The following EIF2B3 variants were observed in gnomAD, a reference collection of about 807,000 sequenced individuals.
EIF2B3 encodes the protein eukaryotic translation initiation factor 2B subunit gamma, also known as translation initiation factor eIF2B subunit gamma.
In EIF2B3, 20 loss-of-function variants were observed where a neutral mutation model predicts 54.1. That is an observed-to-expected ratio of 0.37 (90% CI 0.26 to 0.54). The LOEUF (loss-of-function observed/expected upper bound fraction) is 0.54. Ranked by LOEUF, EIF2B3 falls within the 20% of genes least tolerant of loss-of-function variation. The probability of loss-of-function intolerance (pLI) is 0.86; values close to 1 mark genes in which losing one functional copy is unlikely to be tolerated. For synonymous variants in EIF2B3, 153 were observed against 188.1 expected (o/e 0.81, Z 1.52); for missense variants, 448 against 547.8 (o/e 0.82, Z 1.82).
intron 4 of EIF2B3, among the ~76,000 whole-genome samples, chr1:44,935,103 G>C (rs536166793): frequency 6.6e-6 from 1 of 152,278 alleles, no homozygotes; most frequent in African/African-American, 2.4e-5. Flanking sequence ...TAAGGAGTTT[G>C]GGAAATACTA....
chr1:44,872,740 A>T (rs1162856150), intron 10 of EIF2B3, among the ~76,000 whole-genome samples: 1 of 152,068 alleles, frequency 6.6e-6, no homozygotes, highest in East Asian at 1.9e-4. Flanking sequence ...CTCAAGGGTC[A>T]TTTCCTTAAG....
At chr1:44,936,102 G>GA (rs905151412) in intron 4 of EIF2B3, among the ~76,000 whole-genome samples, 4 of 151,492 alleles carry the variant, frequency 2.6e-5, no homozygotes, top group Admixed American at 6.6e-5. Flanking sequence ...ATCTACTGAT[G>GA]AAAAAAAAGA....
chr1:44,942,844 A>C (rs907563961), intron 3 of EIF2B3, among the ~76,000 whole-genome samples: 24 of 151,624 alleles, frequency 1.6e-4, no homozygotes, highest in African/African-American at 5.6e-4. Flanking sequence ...TATTTATTTT[A>C]TTTTATTTTA....
intron 10 of EIF2B3, among the ~76,000 whole-genome samples, chr1:44,869,193 T>C (rs1168682329): frequency 1.3e-5 from 2 of 152,130 alleles, no homozygotes; most frequent in Non-Finnish European, 2.9e-5. Flanking sequence ...AAATGCTTTA[T>C]ATGGCCGGGC....
At chr1:44,984,751 A>G (rs557692257) in intron 1 of EIF2B3, among the ~76,000 whole-genome samples, 2 of 150,756 alleles carry the variant, frequency 1.3e-5, no homozygotes, top group African/African-American at 2.4e-5. Flanking sequence ...GTTGTTGTTA[A>G]GATTAAATTT....
intron 3 of EIF2B3, among the ~76,000 whole-genome samples, chr1:44,942,417 ATTTTTT>A (rs34978668): frequency 3.9e-4 from 2 of 5,176 alleles, no homozygotes; most frequent in Non-Finnish European, 5.1e-4. Context: ...ATATATATAT[ATTTTTT>A]TTTTTTTTTT....
At chr1:44,973,288 A>AG (rs1644420786) in intron 3 of EIF2B3, among the ~76,000 whole-genome samples, 1 of 152,242 alleles carries the variant, frequency 6.6e-6, no homozygotes, top group Non-Finnish European at 1.5e-5. Flanking sequence ...TAAAATGTGG[A>AG]GGCAACCCAA....
At chr1:44,851,214 G>A (rs1249018400) in intron 11 of EIF2B3, among the ~76,000 whole-genome samples, 12 of 152,098 alleles carry the variant, frequency 7.9e-5, no homozygotes, top group Admixed American at 3.9e-4. Flanking sequence ...ACAGGCGCCC[G>A]CCACCACGCC....
At chr1:44,871,069 G>A (rs761450159) in intron 10 of EIF2B3, among the ~76,000 whole-genome samples, 1 of 152,184 alleles carries the variant, frequency 6.6e-6, no homozygotes, top group Non-Finnish European at 1.5e-5. Flanking sequence ...ACTTGTCCCA[G>A]ATGGAATTTA....
At chr1:44,894,707 A>G (rs1338805596) in intron 6 of EIF2B3, among the ~76,000 whole-genome samples, 1 of 152,054 alleles carries the variant, frequency 6.6e-6, no homozygotes, top group Non-Finnish European at 1.5e-5. Context: ...TCCTAGGTTT[A>G]CTCTTTCCTT....
Position 44,881,877 on chromosome 1 carries a change from T to TC in EIF2B3, c.657-139_657-138insG. On this transcript the variant is annotated intron_variant, in intron 6 of 11. Coordinates refer to ENST00000360403, the MANE Select transcript of EIF2B3 (RefSeq NM_020365.5). The surrounding 1 kb of genome is among the most constrained non-coding windows in gnomAD (Gnocchi z 4.0). ...GGACTGTCAGAGATCAAATGTGGCA[T>TC]TGACTTGGCAGTTCGGAGAAGCAGA... The TC allele has an allele frequency of 8.3e-7, 1 of 1,201,612 alleles. No individual in the cohort carries two copies. The highest frequency in any genetic ancestry group is 1.2e-6 in the Non-Finnish European group (1 of 841,632). 74.4% of individuals were successfully genotyped at this position (1,201,612 alleles called of 1,614,324 possible).
At chr1:44,873,539 T>C (rs1655027446) in intron 10 of EIF2B3, among the ~76,000 whole-genome samples, 1 of 152,202 alleles carries the variant, frequency 6.6e-6, no homozygotes, top group African/African-American at 2.4e-5. Context: ...GTAAATTCTA[T>C]TTTGTAGCTG....
intron 3 of EIF2B3, among the ~76,000 whole-genome samples, chr1:44,959,704 G>A (rs1328232012): frequency 1.3e-5 from 2 of 152,120 alleles, no homozygotes; most frequent in African/African-American, 4.8e-5. Context: ...CAAACTCATT[G>A]GCAATGGGGA....
At chr1:44,947,255 G>A (rs753349770) in intron 3 of EIF2B3, among the ~76,000 whole-genome samples, 55 of 152,126 alleles carry the variant, frequency 3.6e-4, no homozygotes, top group Non-Finnish European at 6.8e-4. Flanking sequence ...AAACATGCAA[G>A]GTTTCAAGGG....
rs559357410 is a variant in EIF2B3, at chr1:44,850,698, A to G, written c.*253T>C. The G allele has an allele frequency of 5.4e-6, 3 of 553,574 alleles. No individual in the cohort carries two copies. In the South Asian group the frequency reaches 6.7e-5, roughly 12 times the overall value. 34.3% of individuals were successfully genotyped at this position (553,574 alleles called of 1,614,324 possible). ...TGCTGCCCCACCGATACATCTTGGCACACAAGAGTTAGGCCACTGTATCTG... is the reference window on the plus strand; with the variant it reads ...TGCTGCCCCACCGATACATCTTGGCGCACAAGAGTTAGGCCACTGTATCTG... On this transcript the variant is annotated 3_prime_UTR_variant, in exon 12 of 12. Transcript: ENST00000360403.
At chr1:44,916,012 T>C (rs980115928) in intron 5 of EIF2B3, among the ~76,000 whole-genome samples, 2 of 152,168 alleles carry the variant, frequency 1.3e-5, no homozygotes, top group African/African-American at 4.8e-5. Flanking sequence ...GTTATTAATA[T>C]CTAGCAATGT....
chr1:44,898,663 C>T (rs1056487406), intron 5 of EIF2B3, among the ~76,000 whole-genome samples: 3 of 151,540 alleles, frequency 2.0e-5, no homozygotes, highest in Admixed American at 6.6e-5. Flanking sequence ...TGCTTGGCTT[C>T]GACTGCCTTG....
At chr1:44,948,844 TTTTTCTTTTC>T (rs755155826) in intron 3 of EIF2B3, among the ~76,000 whole-genome samples, 104 of 150,484 alleles carry the variant, frequency 6.9e-4, no homozygotes, top group Middle Eastern at 6.8e-3. Context: ...CAATGTTAAC[TTTTTCTTTTC>T]TTTTCTTTTC....
At chr1:44,974,915 T>C (rs1644437731) in intron 3 of EIF2B3, among the ~76,000 whole-genome samples, 1 of 151,904 alleles carries the variant, frequency 6.6e-6, no homozygotes. Context: ...TCAAGACATG[T>C]TCAAAATTTC....
Sources: gnomAD v4.1 joint callset for allele counts (sites outside exome capture counted in the v4.1 genomes callset) on GRCh38, gnomAD v4.1.1 for gene constraint, Gnocchi (gnomAD v3.1) non-coding constraint, MANE v1.5 for transcripts, NCBI Gene and HGNC (gene_info 2026-07-23, HGNC 2026-07-21) for gene names.